The following RNLS variants were observed in gnomAD, a reference collection of about 807,000 sequenced individuals.
RNLS encodes the protein renalase, FAD dependent amine oxidase.
RNLS carries 39 observed loss-of-function variants against 39.8 expected under a neutral mutation model. The ratio of observed to expected loss-of-function variants is 0.98; its 90% CI spans 0.76 to 1.28. The LOEUF (loss-of-function observed/expected upper bound fraction) is 1.28. RNLS is among the 50% of genes most tolerant of loss of function. The pLI is 0.00. For missense variants in RNLS, 410 were observed against 413.3 expected, an observed-to-expected ratio of 0.99 and a Z score of 0.07; for synonymous variants, 147 against 150.7, an observed-to-expected ratio of 0.98 and a Z score of 0.18.
intron 4 of RNLS, among the ~76,000 whole-genome samples, chr10:88,394,650 T>C (rs1164382691): frequency 1.3e-5 from 2 of 151,794 alleles, no homozygotes; most frequent in African/African-American, 4.8e-5. Flanking sequence ...TCCTCAGGGA[T>C]CTAGAACTAG....
chr10:88,381,826 C>T (rs968678587), intron 4 of RNLS, among the ~76,000 whole-genome samples: 4 of 152,042 alleles, frequency 2.6e-5, no homozygotes, highest in Non-Finnish European at 4.4e-5. Flanking sequence ...AATCTGACCC[C>T]TGTCTGGTTT....
intron 4 of RNLS, among the ~76,000 whole-genome samples, chr10:88,495,610 G>C (rs1425310725): frequency 6.6e-6 from 1 of 152,154 alleles, no homozygotes; most frequent in Non-Finnish European, 1.5e-5. Context: ...GATGAGAGAG[G>C]AGGAAAATTT....
chr10:88,341,066 A>AAAAAC (rs1395609572), intron 5 of RNLS, among the ~76,000 whole-genome samples: 4 of 148,932 alleles, frequency 2.7e-5, no homozygotes, highest in Non-Finnish European at 5.9e-5. Context: ...CTCAAAAAAA[A>AAAAAC]AAAAACAAAA....
intron 4 of RNLS, among the ~76,000 whole-genome samples, chr10:88,408,575 A>T (rs982197484): frequency 1.3e-5 from 2 of 152,026 alleles, no homozygotes; most frequent in Non-Finnish European, 2.9e-5. Context: ...CCCGGCCAAT[A>T]AATTTTTTTT....
intron 5 of RNLS, among the ~76,000 whole-genome samples, chr10:88,329,350 C>T (rs1160951147): frequency 2.0e-5 from 3 of 152,082 alleles, no homozygotes; most frequent in Non-Finnish European, 4.4e-5. Context: ...CCATGTCCAG[C>T]CTGAGAGGTC....
intron 6 of RNLS, among the ~76,000 whole-genome samples, chr10:88,308,817 C>G (rs1845131929): frequency 6.6e-6 from 1 of 152,110 alleles, no homozygotes; most frequent in African/African-American, 2.4e-5. Flanking sequence ...GATACATGTA[C>G]ACATATGTTC....
At chr10:88,378,757 TA>T (rs1330546588) in intron 4 of RNLS, among the ~76,000 whole-genome samples, 3 of 152,240 alleles carry the variant, frequency 2.0e-5, no homozygotes, top group Non-Finnish European at 4.4e-5. Flanking sequence ...AACCAAAGTA[TA>T]AAAATGGACT....
At chr10:88,190,354 A>G in the RNLS span, among the ~76,000 whole-genome samples, 61 of 152,272 alleles carry the variant, frequency 4.0e-4, no homozygotes, top group African/African-American at 1.4e-3. Context: ...TCTGCTGCCT[A>G]CACCCTGGCC....
At chr10:88,327,328 G>C (rs1846693244) in intron 5 of RNLS, among the ~76,000 whole-genome samples, 1 of 152,152 alleles carries the variant, frequency 6.6e-6, no homozygotes, top group Non-Finnish European at 1.5e-5. Flanking sequence ...ATGTGTCTAG[G>C]AGAGACTGAT....
In RNLS at chr10:88,524,710, A is replaced by C. The variant is rs2134211041; in HGVS notation, c.526+48193T>G. 2.0e-5 allele frequency among the ~76,000 whole-genome samples: 3 copies of C among 151,980 alleles called. No homozygotes were observed. The Middle Eastern group carries it at 0.01, about 517-fold the overall frequency. The stretch of plus-strand genomic sequence containing the variant: ...AGATATAGAACATTTCCAGGATCAC[A>C]TAAAGTTCTATTCAACAGTACTAGA... On this transcript the variant is annotated intron_variant, in intron 4 of 6. Coordinates refer to ENST00000331772, the MANE Select transcript of RNLS (RefSeq NM_001031709.3).
At chr10:88,320,730 C>A (rs1376240094) in intron 5 of RNLS, among the ~76,000 whole-genome samples, 1 of 148,664 alleles carries the variant, frequency 6.7e-6, no homozygotes, top group Admixed American at 6.8e-5. Flanking sequence ...ATAAAGGGTT[C>A]AATTCAATCA....
the RNLS span, among the ~76,000 whole-genome samples, chr10:88,255,658 T>C: frequency 1.3e-5 from 2 of 152,342 alleles, no homozygotes; most frequent in South Asian, 2.1e-4. Context: ...AAATCATTTA[T>C]CAGGAACAAA....
intron 4 of RNLS, among the ~76,000 whole-genome samples, chr10:88,540,414 T>G (rs570274780): frequency 2.6e-5 from 4 of 152,322 alleles, no homozygotes; most frequent in Admixed American, 6.5e-5. Context: ...CCCAAGTTGT[T>G]ACTATTATAA....
the RNLS span, among the ~76,000 whole-genome samples, chr10:88,187,486 G>T: frequency 3.3e-5 from 5 of 152,110 alleles, no homozygotes; most frequent in Admixed American, 1.3e-4. Context: ...CAGCCCCTTG[G>T]CAGGAAGGTA....
chr10:88,561,227 C>T (rs1391383042), intron 4 of RNLS, among the ~76,000 whole-genome samples: 8 of 152,212 alleles, frequency 5.3e-5, no homozygotes, highest in South Asian at 2.1e-4. Flanking sequence ...AACATAGAGA[C>T]GTTGAGGGCA....
At chr10:88,268,358 G>C in the RNLS span, among the ~76,000 whole-genome samples, 8 of 152,062 alleles carry the variant, frequency 5.3e-5, no homozygotes, top group Non-Finnish European at 1.2e-4. Flanking sequence ...TATATTTCCC[G>C]ATGCCCTCCT....
intron 4 of RNLS, among the ~76,000 whole-genome samples, chr10:88,503,556 C>G (rs1168375135): frequency 6.6e-6 from 1 of 152,028 alleles, no homozygotes; most frequent in Non-Finnish European, 1.5e-5. Flanking sequence ...TACAAAGTTG[C>G]AATTCAATGG....
intron 4 of RNLS, among the ~76,000 whole-genome samples, chr10:88,450,118 G>C (rs925750018): frequency 3.3e-5 from 5 of 152,090 alleles, no homozygotes; most frequent in Non-Finnish European, 7.4e-5. Flanking sequence ...TTACAGTAGG[G>C]TAAGCTACAG....
In RNLS at chr10:88,529,168, AC is replaced by A. The variant is rs1457774141; in HGVS notation, c.526+43734del. Among the ~76,000 whole-genome samples, 5 of 152,114 alleles carry A rather than the reference AC, an allele frequency of 3.3e-5. No homozygotes were observed. In the East Asian group the frequency reaches 9.6e-4, roughly 29 times the overall value. On this transcript the variant is annotated intron_variant, in intron 4 of 6. Transcript: ENST00000331772. The stretch of plus-strand genomic sequence containing the variant: ...CCCTCCTCCCACTCCTCAGTCCTCT[AC>A]AGATGTGAATTTAGGAGAGAGGGAG...
Sources: gnomAD v4.1 joint callset for allele counts (sites outside exome capture counted in the v4.1 genomes callset) on GRCh38, gnomAD v4.1.1 for gene constraint, MANE v1.5 for transcripts, NCBI Gene and HGNC (gene_info 2026-07-23, HGNC 2026-07-21) for gene names.